The following C21orf58 variants were observed in gnomAD, a reference collection of about 807,000 sequenced individuals.
C21orf58 encodes uncharacterized protein C21orf58.
C21orf58 carries 34 observed loss-of-function variants against 35.8 expected under a neutral mutation model. The observed-to-expected ratio is 0.95, with a 90% confidence interval of 0.72 to 1.26. The LOEUF (loss-of-function observed/expected upper bound fraction) is 1.26. Among genes scored for constraint, C21orf58 ranks in the 50% most tolerant of loss-of-function variants. The probability of loss-of-function intolerance (pLI) is 0.00; values close to 1 mark genes in which losing one functional copy is unlikely to be tolerated. For missense variants in C21orf58, 440 were observed against 414.3 expected, an observed-to-expected ratio of 1.06 and a Z score of -0.54; for synonymous variants, 191 against 175.8, an observed-to-expected ratio of 1.09 and a Z score of -0.68.
intron 1 of C21orf58, 69 bp downstream of exon 1, chr21:46,322,570 G>A (rs908424340): frequency 4.3e-6 from 6 of 1,396,696 alleles, no homozygotes; most frequent in African/African-American, 1.5e-5. Context: ...TGAGCCCACT[G>A]CCCAGAGTTT....
intron 4 of C21orf58, chr21:46,315,202 G>A (rs997284031): frequency 8.8e-5 from 54 of 614,514 alleles, no homozygotes; most frequent in African/African-American, 7.8e-4. Flanking sequence ...TCTGCCACTC[G>A]GATGCATCTT....
In C21orf58 at chr21:46,301,749, G is replaced by A; in HGVS notation, c.*250C>T. 8.2e-7 allele frequency: 1 copy of A among 1,219,566 alleles called. No individual in the cohort carries two copies. The highest frequency in any genetic ancestry group is 1.0e-6 in the Non-Finnish European group (1 of 980,268). 75.5% of individuals were successfully genotyped at this position (1,219,566 alleles called of 1,614,324 possible). Reference sequence around the variant, plus strand: ...GGAGGGGTCCCTGGGAGGGGCTGTTGCCCTGGTGGGGTTCACAGGCCCCTC... The same window carrying A: ...GGAGGGGTCCCTGGGAGGGGCTGTTACCCTGGTGGGGTTCACAGGCCCCTC... On this transcript the variant is annotated 3_prime_UTR_variant, in exon 8 of 8. Coordinates refer to ENST00000291691, the MANE Select transcript of C21orf58 (RefSeq NM_058180.5).
chr21:46,303,745 A>ATATATAT (rs2082273893), intron 6 of C21orf58, among the ~76,000 whole-genome samples: 3 of 23,822 alleles, frequency 1.3e-4, no homozygotes, highest in African/African-American at 5.0e-4. Context: ...ATATATATAT[A>ATATATAT]TTTTTTTTTT....
chr21:46,301,873 T>C lies in C21orf58; in HGVS notation c.*126A>G. 7.6e-7 allele frequency: 1 copy of C among 1,309,766 alleles called. No homozygotes were observed. Among genetic ancestry groups the C allele is most frequent in the East Asian group, 3.1e-5 (1 of 32,470 alleles). 81.1% of individuals were successfully genotyped at this position (1,309,766 alleles called of 1,614,324 possible). On this transcript the variant is annotated 3_prime_UTR_variant, in exon 8 of 8. Coordinates refer to ENST00000291691, the MANE Select transcript of C21orf58 (RefSeq NM_058180.5). ...CCCAGGAGGAGCCTGCAGTCCACACTCGCGTAGCCACTCCGGGTGGTGGCA... is the reference window on the plus strand; with the variant it reads ...CCCAGGAGGAGCCTGCAGTCCACACCCGCGTAGCCACTCCGGGTGGTGGCA...
At chr21:46,306,982 G>A (rs963006029) in intron 6 of C21orf58, among the ~76,000 whole-genome samples, 2 of 151,820 alleles carry the variant, frequency 1.3e-5, no homozygotes, top group Non-Finnish European at 2.9e-5. Context: ...TGCAGCCTCC[G>A]CCTCCCAGGC....
chr21:46,321,177 TA>T (rs1344967337), intron 1 of C21orf58, among the ~76,000 whole-genome samples: 3 of 151,858 alleles, frequency 2.0e-5, no homozygotes, highest in Admixed American at 6.6e-5. Context: ...TATATATATA[TA>T]TTTTTTTTGA....
At chr21:46,311,628 C>T (rs2082693725) in intron 5 of C21orf58, 61 bp from the exon 6 acceptor site, 1 of 975,654 alleles carries the variant, frequency 1.0e-6, no homozygotes, top group African/African-American at 1.6e-5. Flanking sequence ...TCTCCAGTAT[C>T]TACCACCCAT....
chr21:46,315,338 G>A (rs2082932104), intron 4 of C21orf58, 136 bp downstream of exon 4: 2 of 655,998 alleles, frequency 3.0e-6, no homozygotes, highest in South Asian at 1.8e-5. Flanking sequence ...TAAGCTAACA[G>A]TGTCCTTGCT....
chr21:46,305,834 C>T (rs974731952), intron 6 of C21orf58, among the ~76,000 whole-genome samples: 5 of 151,692 alleles, frequency 3.3e-5, no homozygotes, highest in East Asian at 3.9e-4. Flanking sequence ...CCCAGCTACT[C>T]GGAAGGCTGA....
At chr21:46,321,504 C>T (rs1439021876) in intron 1 of C21orf58, among the ~76,000 whole-genome samples, 1 of 152,234 alleles carries the variant, frequency 6.6e-6, no homozygotes, top group Non-Finnish European at 1.5e-5. Context: ...TGTCTTTAGG[C>T]TCCTTCTCAG....
In C21orf58 at chr21:46,302,166, G is replaced by A. The variant is rs577517869; in HGVS notation, c.814-12C>T. On this transcript the variant is annotated splice_polypyrimidine_tract_variant and intron_variant, in intron 7 of 7. Transcript: ENST00000291691. ...ACATGTGGCGGGTCCTGCCACAGACGCACCTGCTGCTTAGGACGCAGCCCA... is the reference window on the plus strand; with the variant it reads ...ACATGTGGCGGGTCCTGCCACAGACACACCTGCTGCTTAGGACGCAGCCCA... The A allele has an allele frequency of 5.4e-5, 79 of 1,464,448 alleles. No homozygotes were observed. Among genetic ancestry groups the A allele is most frequent in the African/African-American group, 4.5e-4 (32 of 70,830 alleles). The allele number at this position is 1,464,448 out of a possible 1,614,324, so 90.7% of individuals were successfully genotyped here.
chr21:46,305,089 G>A (rs1049110270), intron 6 of C21orf58, among the ~76,000 whole-genome samples: 4 of 152,126 alleles, frequency 2.6e-5, no homozygotes, highest in Admixed American at 2.0e-4. Flanking sequence ...GATACTGTAC[G>A]GCTCCATTCA....
rs565281914 is a variant in C21orf58, at chr21:46,322,909, T to TA, written c.-172dup. 3.2e-4 allele frequency: 152 copies of TA among 479,344 alleles called. No homozygotes were observed. Among genetic ancestry groups the TA allele is most frequent in the Middle Eastern group, 5.5e-4 (1 of 1,834 alleles). The allele number at this position is 479,344 out of a possible 1,614,324, so 29.7% of individuals were successfully genotyped here. On this transcript the variant is annotated 5_prime_UTR_variant, in exon 1 of 8. An upstream open reading frame in the 5' UTR loses its in-frame stop. Transcript: ENST00000291691. ...CCAGCACGCTCGGGAAGGGCATCGT[T>TA]ACTGCTGCAAACAAGCACACGGCCC...
chr21:46,318,929 C>T, intron 1 of C21orf58: 1 of 875,680 alleles, frequency 1.1e-6, no homozygotes, highest in Non-Finnish European at 1.4e-6. Flanking sequence ...GGCAGACTGA[C>T]ATGTGGGGGA....
chr21:46,308,924 C>T (rs2082546038), intron 6 of C21orf58, among the ~76,000 whole-genome samples: 1 of 152,180 alleles, frequency 6.6e-6, no homozygotes, highest in Admixed American at 6.5e-5. Flanking sequence ...CCAGACTCTG[C>T]AGAGTCCCCA....
chr21:46,309,136 T>C (rs1339131585), intron 6 of C21orf58, among the ~76,000 whole-genome samples: 2 of 152,048 alleles, frequency 1.3e-5, no homozygotes, highest in East Asian at 3.9e-4. Context: ...CTGGCCAACA[T>C]GGCGAAATCC....
intron 6 of C21orf58, among the ~76,000 whole-genome samples, chr21:46,303,729 ATATATATATATATATATT>A (rs1569116192): frequency 5.5e-4 from 15 of 27,182 alleles, no homozygotes; most frequent in African/African-American, 2.1e-3. Context: ...ATATATATAT[ATATATATATATATATATT>A]TTTTTTTTTT....
chr21:46,321,163 G>GTT (rs1245021917), intron 1 of C21orf58, among the ~76,000 whole-genome samples: 1 of 150,274 alleles, frequency 6.7e-6, no homozygotes, highest in Non-Finnish European at 1.5e-5. Context: ...TGCTACATAT[G>GTT]TTATATATAT....
At chr21:46,306,905 A>T (rs371901621) in intron 6 of C21orf58, among the ~76,000 whole-genome samples, 1,786 of 143,642 alleles carry the variant, frequency 0.012, 15 homozygotes, top group South Asian at 0.022. Flanking sequence ...ATTTTTATTT[A>T]TTTTTTTTAA....
Sources: allele counts gnomAD v4.1 joint callset (sites outside exome capture counted in the v4.1 genomes callset), GRCh38; gene constraint gnomAD v4.1.1; transcripts MANE v1.5; gene names NCBI Gene and HGNC (gene_info 2026-07-23, HGNC 2026-07-21).